The following NEXMIF variants were observed in gnomAD, a reference collection of about 807,000 sequenced individuals.
The protein encoded by NEXMIF is neurite extension and migration factor.
In NEXMIF, 8 loss-of-function variants were observed where a neutral mutation model predicts 62.1. The observed-to-expected ratio is 0.13, with a 90% CI of 0.08 to 0.23. The LOEUF is 0.23. Among genes scored for constraint, NEXMIF ranks in the 10% least tolerant of loss-of-function variants. NEXMIF has a pLI of 1.00. For missense variants in NEXMIF, 976 were observed against 1,113.3 expected (o/e 0.88, Z 1.75); for synonymous variants, 404 against 416.6 (o/e 0.97, Z 0.37).
At chrX:74,751,574 G>A (rs865895307) in intron 1 of NEXMIF, among the ~76,000 whole-genome samples, 24 of 103,694 alleles carry the variant, frequency 2.3e-4, no homozygotes, top group Non-Finnish European at 3.6e-4. Context: ...TGCAACCTCC[G>A]CCTGCCACTC....
intron 1 of NEXMIF, among the ~76,000 whole-genome samples, chrX:74,790,658 G>T (rs1239553237): frequency 1.8e-5 from 2 of 113,629 alleles, no homozygotes; most frequent in East Asian, 5.4e-4. Context: ...TCATTGAGCA[G>T]TAGTTTGTAG....
chrX:74,914,670 G>C (rs1198426564), intron 1 of NEXMIF, among the ~76,000 whole-genome samples: 1 of 111,424 alleles, frequency 9.0e-6, no homozygotes, highest in African/African-American at 3.3e-5. Flanking sequence ...AACAGAGAAA[G>C]TCTCCGCCCC....
At chrX:74,796,213 A>ATATATATACATATATAATATAT (rs2080309247) in intron 1 of NEXMIF, among the ~76,000 whole-genome samples, 2 of 70,121 alleles carry the variant, frequency 2.9e-5, no homozygotes, top group Non-Finnish European at 5.0e-5. Flanking sequence ...TATATATTAT[A>ATATATATACATATATAATATAT]TATATATACA....
chrX:74,852,402 A>T (rs918588740), intron 1 of NEXMIF, among the ~76,000 whole-genome samples: 4 of 111,961 alleles, frequency 3.6e-5, no homozygotes, highest in African/African-American at 1.3e-4. Context: ...ACAGCATAAG[A>T]CAGATCATCT....
At chrX:74,823,227 T>G (rs910170494) in intron 1 of NEXMIF, among the ~76,000 whole-genome samples, 2 of 112,006 alleles carry the variant, frequency 1.8e-5, no homozygotes, top group Non-Finnish European at 3.8e-5. Context: ...AGTAATGATT[T>G]TCTTTTATCG....
intron 1 of NEXMIF, among the ~76,000 whole-genome samples, chrX:74,883,233 A>G (rs1343077135): frequency 2.7e-5 from 3 of 112,072 alleles, no homozygotes; most frequent in African/African-American, 9.7e-5. Context: ...TCTAAAAATC[A>G]GAGTGCCTCT....
intron 1 of NEXMIF, among the ~76,000 whole-genome samples, chrX:74,905,322 A>G (rs1166189863): frequency 1.8e-5 from 2 of 111,541 alleles, no homozygotes; most frequent in Non-Finnish European, 3.8e-5. Context: ...ACTTTCATGC[A>G]AAAGTATAAA....
At position 74,742,506 on chromosome X, in the gene NEXMIF, C is replaced by G; in HGVS notation, c.2051G>C (p.Ser684Thr). Reference sequence around the variant, plus strand: ...ATTTAAATGTGATCCATTTGCACAGCTAGGAGCACCCAGAGGTGCTGACTT... The same window carrying G: ...ATTTAAATGTGATCCATTTGCACAGGTAGGAGCACCCAGAGGTGCTGACTT... ...TLKSAPLGAP[S>T]CANGSHLNDI... is the part of the protein sequence containing the mutation. The change falls in exon 3 of 4, where the codon AGC (serine) becomes ACC (threonine). Residue 684 changes from serine (S) to threonine (T), a missense_variant. Ser to Thr is a moderately conservative substitution (Grantham distance 58). Around this residue, in one of 5 missense-constraint regions of NEXMIF, gnomAD observed 639 missense variants for 694.5 expected, o/e 0.92. Transcript: ENST00000055682. 1 of 1,209,925 alleles carries G rather than the reference C, an allele frequency of 8.3e-7. No homozygotes were observed.
At chrX:74,754,165 T>C (rs1247836503) in intron 1 of NEXMIF, among the ~76,000 whole-genome samples, 1 of 111,103 alleles carries the variant, frequency 9.0e-6, no homozygotes, top group Non-Finnish European at 1.9e-5. Context: ...TTTCACCATG[T>C]TGGCCAGGCT....
In NEXMIF at chrX:74,739,230, A is replaced by G. The variant is rs1021514099; in HGVS notation, c.*175T>C. 2.7e-6 allele frequency: 1 copy of G among 363,761 alleles called. No individual in the cohort carries two copies. The highest frequency in any genetic ancestry group is 2.7e-5 in the African/African-American group (1 of 37,053). The allele number at this position is 363,761 out of a possible 1,213,427, so 30.0% of individuals were successfully genotyped here. ...GTTTTCAATTTTTTCCTTGTGGGTAAATAGTGCATAAACTACTTGTGCAAC... is the reference window on the plus strand; with the variant it reads ...GTTTTCAATTTTTTCCTTGTGGGTAGATAGTGCATAAACTACTTGTGCAAC... On this transcript the variant is annotated 3_prime_UTR_variant, in exon 4 of 4. Transcript: ENST00000055682.
In NEXMIF at chrX:74,829,969, T is replaced by C. The variant is rs953434411; in HGVS notation, c.-47-84272A>G. Among the ~76,000 whole-genome samples the C allele has an allele frequency of 3.6e-5, 4 of 111,824 alleles. No individual in the cohort carries two copies. The Admixed American group carries it at 3.8e-4, about 11-fold the overall frequency. On this transcript the variant is annotated intron_variant, in intron 1 of 3. Coordinates refer to ENST00000055682, the MANE Select transcript of NEXMIF (RefSeq NM_001008537.3). ...TATTGATCCCTTGTCAGATGGGTAG[T>C]TTGCAAATATTTTTTCCTAATCCGT... is the stretch of plus-strand genomic sequence containing the variant.
intron 1 of NEXMIF, among the ~76,000 whole-genome samples, chrX:74,759,708 CCTTA>C (rs2080170389): frequency 9.0e-6 from 1 of 111,021 alleles, no homozygotes; most frequent in Non-Finnish European, 1.9e-5. Flanking sequence ...AGGTGAGAGG[CCTTA>C]CTTCTGGACT....
chrX:74,851,558 A>T (rs2080513508), intron 1 of NEXMIF, among the ~76,000 whole-genome samples: 1 of 109,724 alleles, frequency 9.1e-6, no homozygotes, highest in Non-Finnish European at 1.9e-5. Context: ...AGGCCAGAAG[A>T]GAATGGGATG....
chrX:74,779,123 T>C (rs916540218), intron 1 of NEXMIF, among the ~76,000 whole-genome samples: 5 of 112,580 alleles, frequency 4.4e-5, no homozygotes. Flanking sequence ...TGGGAACTTA[T>C]ATCTTAAGCC....
chrX:74,833,541 T>A (rs188468430), intron 1 of NEXMIF, among the ~76,000 whole-genome samples: 21 of 112,118 alleles, frequency 1.9e-4, no homozygotes, highest in African/African-American at 5.8e-4. Context: ...AGCTATTTTA[T>A]ATCTTTTGAT....
At chrX:74,893,096 C>A (rs765155724) in intron 1 of NEXMIF, among the ~76,000 whole-genome samples, 17 of 112,244 alleles carry the variant, frequency 1.5e-4, no homozygotes, top group African/African-American at 5.5e-4. Flanking sequence ...TTTCCTCCTA[C>A]ATGCCTACAC....
At chrX:74,799,901 GC>G (rs978718988) in intron 1 of NEXMIF, among the ~76,000 whole-genome samples, 2 of 111,091 alleles carry the variant, frequency 1.8e-5, no homozygotes, top group Non-Finnish European at 3.8e-5. Flanking sequence ...AATATAAGAA[GC>G]AAAAACTCAT....
intron 1 of NEXMIF, among the ~76,000 whole-genome samples, chrX:74,791,486 C>A (rs1602228814): frequency 1.8e-5 from 2 of 111,009 alleles, no homozygotes; most frequent in Non-Finnish European, 3.8e-5. Flanking sequence ...ATGATGCTGG[C>A]CTCATAAAAT....
At chrX:74,822,641 T>A (rs758809018) in intron 1 of NEXMIF, among the ~76,000 whole-genome samples, 20 of 112,313 alleles carry the variant, frequency 1.8e-4, no homozygotes, top group African/African-American at 6.5e-4. Context: ...CATGCAAAGA[T>A]GTTTCACATC....
Sources: allele counts gnomAD v4.1 joint callset (sites outside exome capture counted in the v4.1 genomes callset), GRCh38; gene constraint gnomAD v4.1.1; regional missense constraint gnomAD v4.1.1; transcripts MANE v1.5; gene names NCBI Gene and HGNC (gene_info 2026-07-23, HGNC 2026-07-21).